The following RTL9 variants were observed in gnomAD, a reference collection of about 807,000 sequenced individuals.
RTL9 encodes retrotransposon Gag like 9.
A neutral mutation model predicts 44.7 loss-of-function variants in RTL9; 19 were observed. That is an observed-to-expected ratio of 0.42 (90% CI 0.30 to 0.62). The LOEUF (loss-of-function observed/expected upper bound fraction) is 0.62, where lower values mean the gene tolerates loss of function less well. RTL9 is among the 20% of genes least tolerant of loss of function. The pLI is 0.16. For synonymous variants in RTL9, 407 were observed against 398.9 expected, an observed-to-expected ratio of 1.02 and a Z score of -0.24; for missense variants, 1,105 against 1,080.6, an observed-to-expected ratio of 1.02 and a Z score of -0.32.
chrX:110,451,387 C>G (rs760592828), exon 1 of RTL9: 2 of 1,211,790 alleles, frequency 1.7e-6, no homozygotes, highest in East Asian at 5.9e-5. Flanking sequence ...GAGATATCTT[C>G]GCTGCTAATG....
chrX:110,425,240 A>G (rs2068745321), intron 1 of RTL9, among the ~76,000 whole-genome samples: 1 of 112,747 alleles, frequency 8.9e-6, no homozygotes, highest in Non-Finnish European at 1.9e-5. Flanking sequence ...GCTATACAAA[A>G]GCATAGAAAG....
At chrX:110,378,654 C>T (rs1023660515) in intron 1 of RTL9, among the ~76,000 whole-genome samples, 1 of 112,190 alleles carries the variant, frequency 8.9e-6, no homozygotes, top group Non-Finnish European at 1.9e-5. Flanking sequence ...TTTCCAGCAT[C>T]AGTGTTTCTT....
chrX:110,428,914 C>T (rs2068774531), intron 1 of RTL9, among the ~76,000 whole-genome samples: 2 of 112,236 alleles, frequency 1.8e-5, no homozygotes, highest in Admixed American at 9.4e-5. Flanking sequence ...CTTCAGGGTC[C>T]GATGCGACGG....
In RTL9 at chrX:110,382,840, C is replaced by G. The variant is rs1345810629; in HGVS notation, c.-168+23924C>G. 1.1e-4 allele frequency among the ~76,000 whole-genome samples: 12 copies of G among 112,059 alleles called. No individual in the cohort carries two copies. The Admixed American group carries it at 1.1e-3, about 11-fold the overall frequency. ...GTCGTTTCTCAGCTGGACCAGGCTT[C>G]CTGCCTCTAATTCGTTTCTTCCTCC... is the stretch of plus-strand genomic sequence containing the variant. On this transcript the variant is annotated intron_variant, in intron 1 of 2. Coordinates refer to the RTL9 transcript ENST00000520821.
intron 1 of RTL9, among the ~76,000 whole-genome samples, chrX:110,369,217 A>G (rs1317767860): frequency 3.6e-5 from 4 of 111,120 alleles, no homozygotes; most frequent in Middle Eastern, 4.6e-3. Context: ...CTGTGGTCCC[A>G]GCTACTCGGT....
intron 1 of RTL9, among the ~76,000 whole-genome samples, chrX:110,432,532 A>G (rs1296770263): frequency 8.9e-6 from 1 of 111,800 alleles, no homozygotes; most frequent in East Asian, 2.8e-4. Context: ...AGGAGTGTAC[A>G]TGCATGTGTA....
chrX:110,451,706 G>A (rs780894975), exon 1 of RTL9: 15 of 1,208,505 alleles, frequency 1.2e-5, no homozygotes, highest in Non-Finnish European at 1.6e-5. Context: ...CCACCCAAAC[G>A]ATGCCAGCCC....
Position 110,436,806 on chromosome X carries a change from G to C in RTL9, c.-167-8347G>C, listed in dbSNP as rs185476319. Among the ~76,000 whole-genome samples the C allele has an allele frequency of 3.9e-3, 432 of 112,183 alleles. 2 individuals are homozygous for C. The highest frequency in any genetic ancestry group is 0.028 in the Middle Eastern group (6 of 217). On this transcript the variant is annotated intron_variant, in intron 1 of 3. Coordinates refer to the RTL9 transcript ENST00000465301. ...AGAGAGTGGGGCTGTTGGAGGAGGA[G>C]AGCAGCTATGGGCCAGCAGCCTGAG... is the stretch of plus-strand genomic sequence containing the variant.
chrX:110,454,037 C>T (rs766103829), exon 1 of RTL9: 64 of 1,210,508 alleles, frequency 5.3e-5, no homozygotes, highest in Non-Finnish European at 6.8e-5. Flanking sequence ...AAGTGCCATC[C>T]TTCGGAATGT....
chrX:110,420,861 G>C (rs892019713), intron 1 of RTL9, among the ~76,000 whole-genome samples: 5 of 111,192 alleles, frequency 4.5e-5, no homozygotes, highest in Non-Finnish European at 9.4e-5. Flanking sequence ...GCAGGTTTCC[G>C]ATCCTCAGCA....
Position 110,451,715 on chromosome X carries a change from C to T in RTL9, c.1098C>T (p.Ala366=), listed in dbSNP as rs750933253. Residue 366 remains alanine (A), a synonymous_variant, in exon 1 of 2, where the codon GCC becomes GCT. Transcript: ENST00000540313. ...TGATGCCCACCCAAACGATGCCAGC[C>T]CCAGGCTCTGGGGCGATGTCCCCAT... The T allele has an allele frequency of 3.3e-6, 4 of 1,211,565 alleles. No homozygotes were observed. In the Middle Eastern group the frequency reaches 6.9e-4, roughly 209 times the overall value.
intron 1 of RTL9, among the ~76,000 whole-genome samples, chrX:110,382,080 A>G (rs1417901132): frequency 8.9e-6 from 1 of 112,058 alleles, no homozygotes; most frequent in African/African-American, 3.2e-5. Context: ...TATGCTGTTG[A>G]CAGTATTTTT....
rs746679479 is a variant in RTL9 at position 110,404,948 on chromosome X, G to T, written c.-167-40205G>T. Among the ~76,000 whole-genome samples, 5 of 111,713 alleles carry T rather than the reference G, an allele frequency of 4.5e-5. No homozygotes were observed. The East Asian group carries it at 1.4e-3, about 31-fold the overall frequency. On this transcript the variant is annotated intron_variant, in intron 1 of 2. Transcript: ENST00000520821. ...AAGCAAATTCTGTCATCCGCATTCT[G>T]TTGAAACGGCCATTGTCATTTCTCC...
intron 1 of RTL9, among the ~76,000 whole-genome samples, chrX:110,394,764 C>T (rs972203262): frequency 8.9e-6 from 1 of 112,555 alleles, no homozygotes. Flanking sequence ...TTAACCTCTC[C>T]GTGCTTCTGC....
intron 1 of RTL9, among the ~76,000 whole-genome samples, chrX:110,407,083 A>G (rs2068607912): frequency 8.9e-6 from 1 of 111,919 alleles, no homozygotes; most frequent in African/African-American, 3.3e-5. Context: ...GTGATTAACA[A>G]TGCCGCCAAC....
chrX:110,389,974 C>T (rs764160694), intron 1 of RTL9, among the ~76,000 whole-genome samples: 4 of 111,768 alleles, frequency 3.6e-5, no homozygotes, highest in Non-Finnish European at 7.5e-5. Flanking sequence ...GCTTGTTTAC[C>T]ACAGAGTATT....
At chrX:110,413,754 C>T (rs1257147834) in intron 1 of RTL9, among the ~76,000 whole-genome samples, 1 of 110,588 alleles carries the variant, frequency 9.0e-6, no homozygotes, top group Admixed American at 9.6e-5. Flanking sequence ...TTTTTGAGCC[C>T]CCTCCATCCA....
intron 1 of RTL9, among the ~76,000 whole-genome samples, chrX:110,441,824 G>A (rs1013415611): frequency 2.7e-5 from 3 of 111,787 alleles, no homozygotes; most frequent in Non-Finnish European, 5.6e-5. Flanking sequence ...TACTTATTTC[G>A]TGCATGTAAT....
chrX:110,406,112 T>C (rs1425735368), intron 1 of RTL9, among the ~76,000 whole-genome samples: 1 of 109,650 alleles, frequency 9.1e-6, no homozygotes, highest in Admixed American at 9.7e-5. Flanking sequence ...TTCTGGAAAG[T>C]GGTTTTTTTT....
Sources: allele counts gnomAD v4.1 joint callset (sites outside exome capture counted in the v4.1 genomes callset), GRCh38; gene constraint gnomAD v4.1.1; transcripts MANE v1.5; gene names NCBI Gene and HGNC (gene_info 2026-07-23, HGNC 2026-07-21).